The following MAPKAP1 variants were observed in gnomAD, a reference collection of about 807,000 sequenced individuals.
MAPKAP1 encodes target of rapamycin complex 2 subunit MAPKAP1.
MAPKAP1 carries 20 observed loss-of-function variants against 65.7 expected under a neutral mutation model. That is an observed-to-expected ratio of 0.30 (90% CI 0.21 to 0.44). MAPKAP1 has a LOEUF of 0.44. Ranked by LOEUF, MAPKAP1 falls within the 20% of genes least tolerant of loss-of-function variation. The pLI, the probability that MAPKAP1 is intolerant of heterozygous loss-of-function variation, is 1.00. For synonymous variants in MAPKAP1, 222 were observed against 244.3 expected, an observed-to-expected ratio of 0.91 and a Z score of 0.85; for missense variants, 423 against 648.0, an observed-to-expected ratio of 0.65 and a Z score of 3.77.
In MAPKAP1 at chr9:125,504,055, A is replaced by C. The variant is rs116652507; in HGVS notation, c.1066+2255T>G. ...CCCAGCCTCCTTAAGATAATTTCCA[A>C]AAACAGATTTACTGGAGAAAACATT... On this transcript the variant is annotated intron_variant, in intron 8 of 11. Coordinates refer to ENST00000265960, the MANE Select transcript of MAPKAP1 (RefSeq NM_001006617.3). Among the ~76,000 whole-genome samples, 1,123 of 151,918 alleles carry C rather than the reference A, an allele frequency of 7.4e-3. 19 individuals carry two copies. Among genetic ancestry groups the C allele is most frequent in the African/African-American group, 0.025 (1,046 of 41,444 alleles).
At chr9:125,581,533 C>T (rs528086078) in intron 5 of MAPKAP1, among the ~76,000 whole-genome samples, 12 of 152,286 alleles carry the variant, frequency 7.9e-5, no homozygotes, top group East Asian at 3.9e-4. Flanking sequence ...TCTGATCAAC[C>T]GTCTAAACTT....
chr9:125,530,888 T>G (rs1434056359), intron 7 of MAPKAP1, among the ~76,000 whole-genome samples: 2 of 152,182 alleles, frequency 1.3e-5, no homozygotes, highest in East Asian at 3.8e-4. Flanking sequence ...ATAGTGGCAA[T>G]AGGGATGATG....
rs946928917 is a variant in MAPKAP1 at position 125,438,597 on chromosome 9, G to A, written c.*290C>T. 3 of 465,760 alleles carry A rather than the reference G, an allele frequency of 6.4e-6. No homozygotes were observed. The highest frequency in any genetic ancestry group is 1.1e-5 in the Non-Finnish European group (3 of 265,740). 28.9% of individuals were successfully genotyped at this position (465,760 alleles called of 1,614,324 possible). The stretch of plus-strand genomic sequence containing the variant: ...GCTCTGTACATCCTCGGGCAGGGTG[G>A]CAGGCATTGAAGGTGGCTGGGCGGC... On this transcript the variant is annotated 3_prime_UTR_variant, in exon 12 of 12. Coordinates refer to ENST00000265960, the MANE Select transcript of MAPKAP1 (RefSeq NM_001006617.3).
chr9:125,614,947 TA>T (rs1200608016), intron 4 of MAPKAP1, among the ~76,000 whole-genome samples: 2 of 151,874 alleles, frequency 1.3e-5, no homozygotes, highest in South Asian at 2.1e-4. Context: ...GCAAGAAAAA[TA>T]AAGTATAAGG....
At chr9:125,500,690 G>A (rs1381891379) in intron 8 of MAPKAP1, among the ~76,000 whole-genome samples, 1 of 152,172 alleles carries the variant, frequency 6.6e-6, no homozygotes, top group Non-Finnish European at 1.5e-5. Flanking sequence ...TGGAAGAAGA[G>A]AGACTTCATT....
intron 4 of MAPKAP1, among the ~76,000 whole-genome samples, chr9:125,639,978 C>A (rs1448895704): frequency 6.6e-6 from 1 of 152,170 alleles, no homozygotes; most frequent in Non-Finnish European, 1.5e-5. Flanking sequence ...GTCAAAGATT[C>A]CAGCCAGGTT....
chr9:125,551,179 C>A (rs1830573544), intron 6 of MAPKAP1, among the ~76,000 whole-genome samples: 1 of 152,018 alleles, frequency 6.6e-6, no homozygotes, highest in African/African-American at 2.4e-5. Context: ...ATTCTCCCTG[C>A]CCTCCTCTTT....
intron 4 of MAPKAP1, among the ~76,000 whole-genome samples, chr9:125,642,225 GAAGAAA>G (rs1400493879): frequency 1.3e-5 from 2 of 150,520 alleles, no homozygotes; most frequent in Non-Finnish European, 3.0e-5. Flanking sequence ...AGGAAAGAAG[GAAGAAA>G]AAGAAAAAAA....
chr9:125,557,587 AG>A (rs1260091854), intron 6 of MAPKAP1, among the ~76,000 whole-genome samples: 3 of 152,034 alleles, frequency 2.0e-5, no homozygotes, highest in Non-Finnish European at 4.4e-5. Context: ...CATGATCCTA[AG>A]GAAGTTGTTC....
At chr9:125,624,144 A>C in intron 4 of MAPKAP1, among the ~76,000 whole-genome samples, 1 of 12,858 alleles carries the variant, frequency 7.8e-5, no homozygotes, top group African/African-American at 1.8e-4. Flanking sequence ...CAGCCGCCCC[A>C]TCCGGGAGGG....
At chr9:125,475,204 C>G (rs1249185348) in intron 9 of MAPKAP1, among the ~76,000 whole-genome samples, 1 of 152,170 alleles carries the variant, frequency 6.6e-6, no homozygotes, top group Non-Finnish European at 1.5e-5. Flanking sequence ...AATTCATATC[C>G]CCATACTACC....
chr9:125,563,762 G>A (rs113071406), intron 5 of MAPKAP1, among the ~76,000 whole-genome samples: 2,173 of 152,022 alleles, frequency 0.014, 18 homozygotes, highest in South Asian at 0.041. Flanking sequence ...TGTCACCCAG[G>A]CTAGAGTGCA....
intron 10 of MAPKAP1, among the ~76,000 whole-genome samples, chr9:125,451,264 A>G (rs1241221563): frequency 6.6e-6 from 1 of 152,094 alleles, no homozygotes; most frequent in African/African-American, 2.4e-5. Context: ...ACACTTCTTA[A>G]AGTCCTGGCT....
intron 7 of MAPKAP1, among the ~76,000 whole-genome samples, chr9:125,532,566 C>A (rs546899499): frequency 6.6e-6 from 1 of 152,356 alleles, no homozygotes; most frequent in African/African-American, 2.4e-5. Context: ...AATTAGTCAT[C>A]CCCACTTTGT....
At chr9:125,689,108 C>T (rs1323293173) in intron 1 of MAPKAP1, among the ~76,000 whole-genome samples, 1 of 152,034 alleles carries the variant, frequency 6.6e-6, no homozygotes, top group Admixed American at 6.6e-5. Context: ...TACAGTCAAG[C>T]AAGGGGTTAA....
chr9:125,583,912 A>C (rs1003100235), intron 5 of MAPKAP1, among the ~76,000 whole-genome samples: 1 of 152,060 alleles, frequency 6.6e-6, no homozygotes. Flanking sequence ...AAATACAAAA[A>C]ATTAGCTGGG....
intron 9 of MAPKAP1, chr9:125,470,954 G>A (rs1853894229): frequency 6.6e-6 from 1 of 152,206 alleles, no homozygotes; most frequent in African/African-American, 2.4e-5. Flanking sequence ...TCTCTGCCCT[G>A]TAGGCTTTCA....
chr9:125,531,707 C>G (rs1042389631), intron 7 of MAPKAP1, among the ~76,000 whole-genome samples: 4 of 152,158 alleles, frequency 2.6e-5, no homozygotes, highest in Non-Finnish European at 5.9e-5. Context: ...GTTGAAAGAA[C>G]TGAACACTGA....
chr9:125,500,280 C>T (rs532231001), intron 8 of MAPKAP1, among the ~76,000 whole-genome samples: 3 of 151,704 alleles, frequency 2.0e-5, no homozygotes, highest in East Asian at 1.9e-4. Flanking sequence ...CTCTGCCTCC[C>T]GGGTTCACGC....
Sources: gnomAD v4.1 joint callset for allele counts (sites outside exome capture counted in the v4.1 genomes callset) on GRCh38, gnomAD v4.1.1 for gene constraint, MANE v1.5 for transcripts, NCBI Gene and HGNC (gene_info 2026-07-23, HGNC 2026-07-21) for gene names.